ASB4: variants seen among roughly 807,000 people sequenced by gnomAD.
ASB4 encodes the protein ankyrin repeat and SOCS box containing 4, also known as ankyrin repeat and SOCS box protein 4.
In ASB4, 35 loss-of-function variants were observed where a neutral mutation model predicts 38.6. The observed-to-expected ratio is 0.91, with a 90% CI of 0.69 to 1.20. The LOEUF (loss-of-function observed/expected upper bound fraction) is 1.20. ASB4 is among the 50% of genes most tolerant of loss of function. The pLI is 0.00. For missense variants in ASB4, 557 were observed against 527.2 expected, an observed-to-expected ratio of 1.06 and a Z score of -0.55; for synonymous variants, 195 against 201.3, an observed-to-expected ratio of 0.97 and a Z score of 0.26.
the ASB4 span, among the ~76,000 whole-genome samples, chr7:95,548,533 C>T: frequency 1.3e-5 from 2 of 152,154 alleles, no homozygotes; most frequent in Admixed American, 6.5e-5. Context: ...ATTTGTAATG[C>T]TTATAAAGTA....
In ASB4 at chr7:95,527,947, A is replaced by C. The variant is rs986315901; in HGVS notation, c.622A>C (p.Met208Leu). Residue 208 changes from methionine (M) to leucine (L), a missense_variant, in exon 3 of 5, where the codon ATG (methionine) becomes CTG (leucine). Met to Leu is a conservative substitution (Grantham distance 15). Transcript: ENST00000325885. The stretch of plus-strand genomic sequence containing the variant: ...CATAGTGGACAGCGTGAATGCCCAC[A>C]TGGAGACCCCCCTGGCCATCGCCGC... ...GAIVDSVNAH[M>L]ETPLAIAAYW... is the part of the protein sequence containing the mutation. The C allele has an allele frequency of 1.9e-6, 3 of 1,614,136 alleles. No homozygotes were observed. Among genetic ancestry groups the C allele is most frequent in the Admixed American group, 1.7e-5 (1 of 60,024 alleles).
intron 2 of ASB4, chr7:95,496,309 A>G (rs978740052): frequency 2.6e-6 from 1 of 389,166 alleles, no homozygotes; most frequent in Non-Finnish European, 4.6e-6. Flanking sequence ...TTTAGCTCCT[A>G]TTATGCATCA....
chr7:95,518,368 G>A (rs991347311), intron 2 of ASB4, among the ~76,000 whole-genome samples: 1 of 152,252 alleles, frequency 6.6e-6, no homozygotes, highest in African/African-American at 2.4e-5. Context: ...AGTGGGGCAA[G>A]CCTCAGGTAG....
chr7:95,545,565 A>T, the ASB4 span, among the ~76,000 whole-genome samples: 1 of 149,362 alleles, frequency 6.7e-6, no homozygotes, highest in African/African-American at 2.5e-5. Context: ...TATTCTCTCC[A>T]TTTCTCTCTT....
intron 2 of ASB4, among the ~76,000 whole-genome samples, chr7:95,496,950 G>T (rs753323979): frequency 6.6e-6 from 1 of 152,132 alleles, no homozygotes; most frequent in South Asian, 2.1e-4. Flanking sequence ...ATAGGAAATA[G>T]CTTGAGCAAA....
upstream of ASB4, among the ~76,000 whole-genome samples, chr7:95,474,948 A>G (rs1044948693): frequency 1.3e-5 from 2 of 152,228 alleles, no homozygotes; most frequent in East Asian, 1.9e-4. Context: ...TAGAAACAGT[A>G]ATTAAGGAGG....
intron 2 of ASB4, among the ~76,000 whole-genome samples, chr7:95,525,744 G>A (rs2116641608): frequency 6.6e-6 from 1 of 152,322 alleles, no homozygotes; most frequent in South Asian, 2.1e-4. Flanking sequence ...GCAAAGACGA[G>A]CTGACCTGAA....
intron 3 of ASB4, among the ~76,000 whole-genome samples, chr7:95,536,084 T>G (rs190933174): frequency 6.6e-6 from 1 of 152,352 alleles, no homozygotes; most frequent in East Asian, 1.9e-4. Flanking sequence ...CACTTGCTCG[T>G]GGAAGGTGAA....
At chr7:95,500,596 AGCC>A (rs1790321949) in intron 2 of ASB4, among the ~76,000 whole-genome samples, 1 of 140,538 alleles carries the variant, frequency 7.1e-6, no homozygotes, top group African/African-American at 2.7e-5. Context: ...AAAAAAAAAA[AGCC>A]ATGATCTTTT....
At chr7:95,478,514 C>T (rs1007022393) in exon 1 of ASB4, 1 of 152,180 alleles carries the variant, frequency 6.6e-6, no homozygotes, top group Non-Finnish European at 1.5e-5. Context: ...TCCAGCCATT[C>T]TGACATCCAC....
chr7:95,527,904 C>G lies in ASB4; in HGVS notation c.579C>G (p.Phe193Leu). 1 of 1,614,116 alleles carries G rather than the reference C, an allele frequency of 6.2e-7. No homozygotes were observed. The highest frequency in any genetic ancestry group is 2.2e-5 in the East Asian group (1 of 44,868). ...TCGGCCTTTCGGAGCTGGTGGCCTT[C>G]TACGTGGAACACGGGGCCATAGTGG... The part of the protein sequence containing the change: ...AHFGLSELVA[F>L]YVEHGAIVDS... The change falls in exon 3 of 5, where the codon TTC (phenylalanine) becomes TTG (leucine). Residue 193 changes from phenylalanine (F) to leucine (L), a missense_variant. Physicochemically the swap from Phe to Leu is conservative, Grantham distance 22 (BLOSUM62 0). Transcript: ENST00000325885.
intron 3 of ASB4, among the ~76,000 whole-genome samples, chr7:95,534,362 A>C (rs1790859933): frequency 1.3e-5 from 2 of 151,216 alleles, no homozygotes; most frequent in African/African-American, 4.9e-5. Flanking sequence ...AAGATGAACT[A>C]TCCTCCTCCT....
intron 2 of ASB4, among the ~76,000 whole-genome samples, chr7:95,521,086 GTCTT>G (rs1017204843): frequency 1.6e-4 from 25 of 152,150 alleles, no homozygotes; most frequent in African/African-American, 3.6e-4. Context: ...ACAATAATGA[GTCTT>G]TCTATTTATG....
chr7:95,530,179 G>C (rs1790799814), intron 3 of ASB4, among the ~76,000 whole-genome samples: 1 of 151,774 alleles, frequency 6.6e-6, no homozygotes, highest in African/African-American at 2.4e-5. Flanking sequence ...GGATGTGGGG[G>C]GCTGGGTGCA....
At chr7:95,524,511 A>T (rs1790709888) in intron 2 of ASB4, among the ~76,000 whole-genome samples, 1 of 152,022 alleles carries the variant, frequency 6.6e-6, no homozygotes, top group Non-Finnish European at 1.5e-5. Context: ...AAAAAACTGT[A>T]CATATATATT....
chr7:95,523,594 TA>T (rs764004715), intron 2 of ASB4, among the ~76,000 whole-genome samples: 11 of 152,190 alleles, frequency 7.2e-5, no homozygotes, highest in Non-Finnish European at 1.3e-4. Flanking sequence ...CAGAGAGAGA[TA>T]AAAATATAAC....
intron 3 of ASB4, among the ~76,000 whole-genome samples, chr7:95,533,719 CA>C (rs1350635905): frequency 5.3e-5 from 8 of 152,182 alleles, no homozygotes; most frequent in Non-Finnish European, 2.9e-5. Context: ...TAAATTTTCT[CA>C]GCCTTTGGTC....
chr7:95,477,237 C>A (rs955843086), upstream of ASB4, among the ~76,000 whole-genome samples: 1 of 151,990 alleles, frequency 6.6e-6, no homozygotes. Flanking sequence ...AATTTTGATT[C>A]TCTCTCTAGA....
Position 95,527,963 on chromosome 7 carries a change from C to T in ASB4, c.638C>T (p.Ala213Val). 4 of 1,614,112 alleles carry T rather than the reference C, an allele frequency of 2.5e-6. No homozygotes were observed. The highest frequency in any genetic ancestry group is 1.6e-4 in the Middle Eastern group (1 of 6,062). ...SVNAHMETPL[A>V]IAAYWALRFK... ...AATGCCCACATGGAGACCCCCCTGG[C>T]CATCGCCGCCTACTGGGCCCTCCGC... Residue 213 changes from alanine to valine, a missense_variant, in exon 3 of 5, where the codon GCC (alanine) becomes GTC (valine). Ala to Val is a moderately conservative substitution (Grantham distance 64, BLOSUM62 0). Transcript: ENST00000325885.
Sources: allele counts gnomAD v4.1 joint callset (sites outside exome capture counted in the v4.1 genomes callset), GRCh38; gene constraint gnomAD v4.1.1; transcripts MANE v1.5; gene names NCBI Gene and HGNC (gene_info 2026-07-23, HGNC 2026-07-21).